TRPS1: variants seen among roughly 807,000 people sequenced by gnomAD.
The protein encoded by TRPS1 is transcriptional repressor GATA binding 1.
In TRPS1, 6 loss-of-function variants were observed where a neutral mutation model predicts 101.2. The observed-to-expected ratio is 0.06, with a 90% CI of 0.03 to 0.12. The LOEUF (loss-of-function observed/expected upper bound fraction) is 0.12, where lower values mean the gene tolerates loss of function less well. Among genes scored for constraint, TRPS1 ranks in the 10% least tolerant of loss-of-function variants. The pLI, the probability that TRPS1 is intolerant of heterozygous loss-of-function variation, is 1.00. For missense variants in TRPS1, 1,363 were observed against 1,567.0 expected (o/e 0.87, Z 2.20); for synonymous variants, 578 against 589.8 (o/e 0.98, Z 0.29).
At chr8:115,548,128 G>C (rs902135537) in intron 5 of TRPS1, among the ~76,000 whole-genome samples, 1 of 151,874 alleles carries the variant, frequency 6.6e-6, no homozygotes, top group East Asian at 1.9e-4. Flanking sequence ...CAGCTACTCA[G>C]GAGGCTAAGG....
At chr8:115,498,465 C>T (rs1329518556) in intron 5 of TRPS1, among the ~76,000 whole-genome samples, 1 of 128,526 alleles carries the variant, frequency 7.8e-6, no homozygotes, top group African/African-American at 2.8e-5. Flanking sequence ...GATTCAGTGG[C>T]TTCAACTATA....
At chr8:115,497,978 A>AT (rs1815191496) in intron 5 of TRPS1, among the ~76,000 whole-genome samples, 2 of 152,196 alleles carry the variant, frequency 1.3e-5, no homozygotes, top group Non-Finnish European at 2.9e-5. Flanking sequence ...GACGAGGAAG[A>AT]TTAGAAAACT....
chr8:115,577,412 T>C (rs1425531623), intron 5 of TRPS1, among the ~76,000 whole-genome samples: 1 of 152,134 alleles, frequency 6.6e-6, no homozygotes, highest in African/African-American at 2.4e-5. Flanking sequence ...AAATGCAATG[T>C]TAATTCAGAA....
chr8:115,588,345 A>C (rs192678468), intron 4 of TRPS1, among the ~76,000 whole-genome samples: 1 of 152,326 alleles, frequency 6.6e-6, no homozygotes, highest in African/African-American at 2.4e-5. Flanking sequence ...ATTTTTCTCT[A>C]AACAAATTCT....
chr8:115,579,735 G>A (rs1333232073), intron 5 of TRPS1, among the ~76,000 whole-genome samples: 1 of 151,806 alleles, frequency 6.6e-6, no homozygotes, highest in Non-Finnish European at 1.5e-5. Flanking sequence ...AATTTCCATG[G>A]TAGAAAATGG....
At chr8:115,533,834 T>G (rs1816211647) in intron 5 of TRPS1, among the ~76,000 whole-genome samples, 1 of 152,104 alleles carries the variant, frequency 6.6e-6, no homozygotes, top group African/African-American at 2.4e-5. Context: ...CTCCATAGGC[T>G]AACATGGCCT....
At chr8:115,563,929 C>A (rs1223916003) in intron 5 of TRPS1, among the ~76,000 whole-genome samples, 1 of 152,038 alleles carries the variant, frequency 6.6e-6, no homozygotes, top group African/African-American at 2.4e-5. Context: ...CCTGATTCTG[C>A]CACCGTTGGA....
chr8:115,486,510 G>A (rs1373119664), intron 5 of TRPS1, among the ~76,000 whole-genome samples: 1 of 152,218 alleles, frequency 6.6e-6, no homozygotes, highest in Non-Finnish European at 1.5e-5. Context: ...AACTGAGACA[G>A]GCCGAAAGCT....
chr8:115,414,963 C>T lies in TRPS1; in HGVS notation c.2945G>A (p.Gly982Asp). The T allele has an allele frequency of 1.9e-6, 3 of 1,586,974 alleles. No homozygotes were observed. Among genetic ancestry groups the T allele is most frequent in the Non-Finnish European group, 2.6e-6 (3 of 1,168,150 alleles). ...QAEQLNKQQR[G>D]SNEEQVNGSP... ...TCCATTGACTTGCTCCTCATTGCTG[C>T]CCCTCTGCTGTTTGTTGAGCTGCTC... The change falls in exon 7 of 7, where the codon GGC (glycine) becomes GAC (aspartate). Residue 982 changes from glycine (G) to aspartate (D), a missense_variant. By Grantham distance (94) the Gly-to-Asp change is moderately conservative (BLOSUM62 -1). Coordinates refer to ENST00000395715, the MANE Select transcript of TRPS1 (RefSeq NM_014112.5). The surrounding 1 kb of genome is among the most constrained non-coding windows in gnomAD (Gnocchi z 4.8).
chr8:115,472,743 T>C (rs1814504029), intron 5 of TRPS1, among the ~76,000 whole-genome samples: 1 of 152,220 alleles, frequency 6.6e-6, no homozygotes, highest in Admixed American at 6.5e-5. Flanking sequence ...AGTCACCTCT[T>C]GAATGCTTTG....
chr8:115,460,186 G>A (rs570956348), intron 5 of TRPS1, among the ~76,000 whole-genome samples: 111 of 152,166 alleles, frequency 7.3e-4, no homozygotes, highest in Non-Finnish European at 1.3e-3. Flanking sequence ...TAATAAATGA[G>A]TTTCAAATAA....
At chr8:115,582,999 AAGCTTAAC>A (rs1817485680) in intron 5 of TRPS1, among the ~76,000 whole-genome samples, 1 of 152,142 alleles carries the variant, frequency 6.6e-6, no homozygotes, top group Non-Finnish European at 1.5e-5. Context: ...CTCACCCAAT[AAGCTTAAC>A]TGTACTTCCG....
chr8:115,666,136 C>A (rs1811915370), intron 1 of TRPS1, among the ~76,000 whole-genome samples: 1 of 152,020 alleles, frequency 6.6e-6, no homozygotes, highest in African/African-American at 2.4e-5. Context: ...ATGTTACTAG[C>A]CCTGTATATT....
chr8:115,498,371 C>CTCTCTCT lies in TRPS1; in HGVS notation c.2701-79920_2701-79919insAGAGAGA, dbSNP rs1563553896. The stretch of plus-strand genomic sequence containing the variant: ...CCAGCCTGGGCAACAAAGAGAGAGC[C>CTCTCTCT]CGTCTCTCTCTCTCTCTCTCTCTCT... On this transcript the variant is annotated intron_variant, in intron 5 of 6. Coordinates refer to ENST00000395715, the MANE Select transcript of TRPS1 (RefSeq NM_014112.5). 5.7e-5 allele frequency among the ~76,000 whole-genome samples: 3 copies of CTCTCTCT among 52,610 alleles called. 1 individual carries two copies. Among genetic ancestry groups the CTCTCTCT allele is most frequent in the Non-Finnish European group, 1.2e-4 (3 of 25,464 alleles). The allele number at this position is 52,610 out of a possible 152,430, so 34.5% of individuals were successfully genotyped here.
In TRPS1 at chr8:115,619,116, A is replaced by G; in HGVS notation, c.966+16T>C. 1 of 1,613,546 alleles carries G rather than the reference A, an allele frequency of 6.2e-7. No individual in the cohort carries two copies. On this transcript the variant is annotated intron_variant, in intron 3 of 6. Transcript: ENST00000395715. Reference sequence around the variant, plus strand: ...AATAACTTTTTCTGTACAAAGAGACAATACAAAGTACAAACCTGCACATCA... The same window carrying G: ...AATAACTTTTTCTGTACAAAGAGACGATACAAAGTACAAACCTGCACATCA...
At chr8:115,476,720 G>T (rs1268215683) in intron 5 of TRPS1, among the ~76,000 whole-genome samples, 1 of 152,110 alleles carries the variant, frequency 6.6e-6, no homozygotes, top group African/African-American at 2.4e-5. Flanking sequence ...CTCAATATTT[G>T]CACAAAATTA....
chr8:115,429,687 G>T (rs1813273079), intron 5 of TRPS1, among the ~76,000 whole-genome samples: 1 of 152,050 alleles, frequency 6.6e-6, no homozygotes, highest in Non-Finnish European at 1.5e-5. Flanking sequence ...AAAACTCCTG[G>T]TGAGTGAGAT....
At chr8:115,606,687 T>G (rs1818044588) in intron 3 of TRPS1, among the ~76,000 whole-genome samples, 1 of 151,142 alleles carries the variant, frequency 6.6e-6, no homozygotes, top group Admixed American at 6.7e-5. Flanking sequence ...TTTAAGTGAC[T>G]AAAGCAACTA....
intron 5 of TRPS1, among the ~76,000 whole-genome samples, chr8:115,478,949 A>T (rs951378199): frequency 6.7e-6 from 1 of 149,132 alleles, no homozygotes; most frequent in Non-Finnish European, 1.5e-5. Context: ...ATATAAATGT[A>T]TACATGTATA....
Sources: gnomAD v4.1 joint callset for allele counts (sites outside exome capture counted in the v4.1 genomes callset) on GRCh38, gnomAD v4.1.1 for gene constraint, Gnocchi (gnomAD v3.1) non-coding constraint, MANE v1.5 for transcripts, NCBI Gene and HGNC (gene_info 2026-07-23, HGNC 2026-07-21) for gene names.